HS3ST4: variants seen among roughly 807,000 people sequenced by gnomAD.
The protein encoded by HS3ST4 is heparan sulfate glucosamine 3-O-sulfotransferase 4.
A neutral mutation model predicts 29.2 loss-of-function variants in HS3ST4; 17 were observed. That is an observed-to-expected ratio of 0.58 (90% CI 0.40 to 0.87). The LOEUF (loss-of-function observed/expected upper bound fraction) is 0.87, where lower values mean the gene tolerates loss of function less well. Among genes scored for constraint, HS3ST4 ranks in the 40% least tolerant of loss-of-function variants. The pLI is 0.00. For synonymous variants in HS3ST4, 314 were observed against 285.7 expected (o/e 1.10, Z -1.00); for missense variants, 627 against 634.5 (o/e 0.99, Z 0.13).
intron 1 of HS3ST4, among the ~76,000 whole-genome samples, chr16:25,878,092 G>A (rs1967851848): frequency 6.6e-6 from 1 of 152,110 alleles, no homozygotes; most frequent in Non-Finnish European, 1.5e-5. Context: ...TCATGTCCTA[G>A]ATCCACCATT....
At chr16:26,115,210 AAT>A (rs1028573633) in intron 1 of HS3ST4, among the ~76,000 whole-genome samples, 1 of 138,232 alleles carries the variant, frequency 7.2e-6, no homozygotes, top group Non-Finnish European at 1.7e-5. Context: ...AATTTCTATG[AAT>A]ATATATATTC....
At chr16:25,941,611 C>G (rs1596621037) in intron 1 of HS3ST4, among the ~76,000 whole-genome samples, 1 of 152,014 alleles carries the variant, frequency 6.6e-6, no homozygotes, top group Non-Finnish European at 1.5e-5. Context: ...GAGTCTTGCT[C>G]TGTCACCCAG....
chr16:25,788,537 C>CT (rs1966861174), intron 1 of HS3ST4, among the ~76,000 whole-genome samples: 9 of 70,240 alleles, frequency 1.3e-4, no homozygotes, highest in South Asian at 9.6e-4. Flanking sequence ...TTTTTCTTTT[C>CT]TTCTTTCTTT....
At chr16:25,706,934 T>C (rs1003906104) in intron 1 of HS3ST4, among the ~76,000 whole-genome samples, 2 of 152,214 alleles carry the variant, frequency 1.3e-5, no homozygotes, top group Non-Finnish European at 1.5e-5. Flanking sequence ...ATGGGAAATT[T>C]CAGAAATAAA....
At chr16:25,786,261 G>T (rs1435694170) in intron 1 of HS3ST4, among the ~76,000 whole-genome samples, 1 of 152,142 alleles carries the variant, frequency 6.6e-6, no homozygotes, top group Non-Finnish European at 1.5e-5. Context: ...GAATGGTTGG[G>T]TGGTTAAGAA....
chr16:25,798,738 T>C (rs1366254951), intron 1 of HS3ST4, among the ~76,000 whole-genome samples: 3 of 152,156 alleles, frequency 2.0e-5, no homozygotes, highest in Non-Finnish European at 4.4e-5. Context: ...CACTGGCAGT[T>C]GGGAGCATTA....
rs190373446 is a variant in HS3ST4, at chr16:26,058,013, G to A, written c.735-77599G>A. Among the ~76,000 whole-genome samples, 4 of 152,278 alleles carry A rather than the reference G, an allele frequency of 2.6e-5. No homozygotes were observed. In the East Asian group the frequency reaches 7.7e-4, roughly 29 times the overall value. On this transcript the variant is annotated intron_variant, in intron 1 of 1. Coordinates refer to ENST00000331351, the MANE Select transcript of HS3ST4 (RefSeq NM_006040.3). The stretch of plus-strand genomic sequence containing the variant: ...AAAATCGAGTTTGATGGCAATCTGA[G>A]AAGTCCTCTCTGAGATTTAATCAGG...
At chr16:25,926,473 A>G (rs1291126476) in intron 1 of HS3ST4, among the ~76,000 whole-genome samples, 1 of 152,246 alleles carries the variant, frequency 6.6e-6, no homozygotes, top group African/African-American at 2.4e-5. Context: ...TCTGTGTATG[A>G]CTGGGCACAC....
chr16:25,771,306 G>A lies in HS3ST4; in HGVS notation c.734+78155G>A, dbSNP rs1180380652. Among the ~76,000 whole-genome samples the A allele has an allele frequency of 3.3e-5, 5 of 152,170 alleles. No individual in the cohort carries two copies. In the East Asian group the frequency reaches 9.7e-4, roughly 29 times the overall value. ...TTGAACCAGGACTTGGTAGAGTAGG[G>A]CCAAACCTCTGGAGCCTGTTCTTAG... On this transcript the variant is annotated intron_variant, in intron 1 of 1. Coordinates refer to ENST00000331351, the MANE Select transcript of HS3ST4 (RefSeq NM_006040.3).
intron 1 of HS3ST4, among the ~76,000 whole-genome samples, chr16:25,731,290 AT>A: frequency 6.6e-6 from 1 of 152,214 alleles, no homozygotes; most frequent in Non-Finnish European, 1.5e-5. Flanking sequence ...CATTGTTAGC[AT>A]AAAGTATTTG....
At chr16:25,993,644 C>G (rs922744725) in intron 1 of HS3ST4, among the ~76,000 whole-genome samples, 1 of 151,804 alleles carries the variant, frequency 6.6e-6, no homozygotes, top group African/African-American at 2.4e-5. Flanking sequence ...CAAGCTCATA[C>G]TATGATTATT....
At chr16:25,916,562 A>G (rs564009012) in intron 1 of HS3ST4, among the ~76,000 whole-genome samples, 1 of 149,170 alleles carries the variant, frequency 6.7e-6, no homozygotes, top group African/African-American at 2.5e-5. Flanking sequence ...AGGTTTCTCC[A>G]TGTTGGTCAG....
chr16:26,062,535 G>A (rs756945365), intron 1 of HS3ST4, among the ~76,000 whole-genome samples: 8 of 151,832 alleles, frequency 5.3e-5, no homozygotes, highest in African/African-American at 1.2e-4. Context: ...ACCTTGGCCC[G>A]ATGCCTGCAT....
chr16:25,873,920 A>G (rs1967799334), intron 1 of HS3ST4, among the ~76,000 whole-genome samples: 1 of 152,184 alleles, frequency 6.6e-6, no homozygotes, highest in Non-Finnish European at 1.5e-5. Context: ...TTTAAAAGCC[A>G]GGTTTGACAG....
At chr16:26,068,179 C>G (rs1225228487) in intron 1 of HS3ST4, among the ~76,000 whole-genome samples, 1 of 152,168 alleles carries the variant, frequency 6.6e-6, no homozygotes, top group Admixed American at 6.5e-5. Flanking sequence ...TTTTCCTCCT[C>G]CTCTTAATTC....
chr16:25,925,532 G>T (rs1034224733), intron 1 of HS3ST4, among the ~76,000 whole-genome samples: 9 of 152,156 alleles, frequency 5.9e-5, no homozygotes, highest in African/African-American at 2.2e-4. Flanking sequence ...CAACTCTAAA[G>T]ATCTGGGGAT....
chr16:25,725,751 A>G (rs1966530881), intron 1 of HS3ST4, among the ~76,000 whole-genome samples: 1 of 150,524 alleles, frequency 6.6e-6, no homozygotes, highest in African/African-American at 2.4e-5. Context: ...TATAATTTAC[A>G]TATAATGAAT....
intron 1 of HS3ST4, among the ~76,000 whole-genome samples, chr16:25,820,260 G>A (rs1384701918): frequency 6.6e-6 from 1 of 152,074 alleles, no homozygotes; most frequent in Non-Finnish European, 1.5e-5. Flanking sequence ...CTGTTGACAA[G>A]CCTGGGTAGG....
chr16:26,081,779 G>C (rs1898726546), intron 1 of HS3ST4, among the ~76,000 whole-genome samples: 1 of 138,330 alleles, frequency 7.2e-6, no homozygotes, highest in Non-Finnish European at 1.5e-5. Context: ...ACTTCAGGGA[G>C]TACATTCTTT....
Sources: gnomAD v4.1 joint callset for allele counts (sites outside exome capture counted in the v4.1 genomes callset) on GRCh38, gnomAD v4.1.1 for gene constraint, MANE v1.5 for transcripts, NCBI Gene and HGNC (gene_info 2026-07-23, HGNC 2026-07-21) for gene names.